Variants in LARGE1 observed in about 807,000 individuals in gnomAD.
LARGE1 encodes the protein LARGE xylosyl- and glucuronyltransferase 1, also known as xylosyl- and glucuronyltransferase LARGE1.
LARGE1 carries 43 observed loss-of-function variants against 87.6 expected under a neutral mutation model. The observed-to-expected ratio is 0.49, with a 90% CI of 0.38 to 0.63. The LOEUF is 0.63. Among genes scored for constraint, LARGE1 ranks in the 30% least tolerant of loss-of-function variants. The pLI is 0.00. For missense variants in LARGE1, 802 were observed against 1,000.2 expected (o/e 0.80, Z 2.67); for synonymous variants, 434 against 394.6 (o/e 1.10, Z -1.18).
At chr22:33,396,169 G>A (rs2065731985) in intron 7 of LARGE1, among the ~76,000 whole-genome samples, 1 of 152,234 alleles carries the variant, frequency 6.6e-6, no homozygotes, top group African/African-American at 2.4e-5. Context: ...CTCAGCAGGA[G>A]GCTCTGGGGA....
chr22:33,173,237 G>T (rs1922676736), intron 11 of LARGE1, among the ~76,000 whole-genome samples: 1 of 152,146 alleles, frequency 6.6e-6, no homozygotes, highest in South Asian at 2.1e-4. Flanking sequence ...TTTCAACCCA[G>T]AATTTCATAT....
At chr22:33,416,962 A>G (rs1330980058) in intron 7 of LARGE1, among the ~76,000 whole-genome samples, 7 of 133,458 alleles carry the variant, frequency 5.2e-5, no homozygotes, top group Admixed American at 4.2e-4. Context: ...GCTGGAGTGC[A>G]GTGGTGTGAT....
At chr22:33,459,432 G>A (rs138973811) in intron 6 of LARGE1, among the ~76,000 whole-genome samples, 1 of 144,722 alleles carries the variant, frequency 6.9e-6, no homozygotes, top group Non-Finnish European at 1.5e-5. Flanking sequence ...AAGCTCGCTC[G>A]CTCTCTCTCT....
At chr22:33,130,279 A>C in the LARGE1 span, among the ~76,000 whole-genome samples, 41 of 139,398 alleles carry the variant, frequency 2.9e-4, no homozygotes, top group African/African-American at 9.8e-4. Context: ...GCGCCACTGC[A>C]CTCCAGCCTG....
intron 1 of LARGE1, among the ~76,000 whole-genome samples, chr22:33,820,710 G>A (rs1601696786): frequency 6.6e-6 from 1 of 152,158 alleles, no homozygotes; most frequent in East Asian, 1.9e-4. Context: ...ATATTGCCAG[G>A]CCCTATACTT....
At chr22:33,381,768 C>T (rs775093892) in intron 9 of LARGE1, 151 bp downstream of exon 9, 234 of 1,096,602 alleles carry the variant, frequency 2.1e-4, no homozygotes, top group Middle Eastern at 1.5e-3. Context: ...AACCAACACC[C>T]CACAAAGATG....
intron 6 of LARGE1, among the ~76,000 whole-genome samples, chr22:33,545,245 C>T (rs2077323977): frequency 6.7e-6 from 1 of 150,130 alleles, no homozygotes; most frequent in South Asian, 2.1e-4. Context: ...CTGACCAGAA[C>T]ACCTATGTCT....
the LARGE1 span, among the ~76,000 whole-genome samples, chr22:33,100,451 A>T: frequency 2.6e-5 from 4 of 152,134 alleles, no homozygotes; most frequent in Non-Finnish European, 5.9e-5. Flanking sequence ...TACTGGTCAC[A>T]TGTGGCCCAA....
intron 2 of LARGE1, among the ~76,000 whole-genome samples, chr22:33,712,356 A>G (rs946538675): frequency 2.6e-5 from 4 of 152,192 alleles, no homozygotes; most frequent in Non-Finnish European, 4.4e-5. Flanking sequence ...GCATCTAAAC[A>G]GCCTTCAGGC....
the LARGE1 span, among the ~76,000 whole-genome samples, chr22:33,072,171 G>A: frequency 6.6e-6 from 1 of 152,130 alleles, no homozygotes; most frequent in African/African-American, 2.4e-5. Flanking sequence ...CTCGAGATCT[G>A]CTCAAAAATG....
In LARGE1 at chr22:33,432,294, T is replaced by C. The variant is rs147579402; in HGVS notation, c.788-29A>G. Reference sequence around the variant, plus strand: ...TGAGGTACAGAGAATACAAACATCTTAAAAGGAGAAGCCAAGCCATCTGGA... The same window carrying C: ...TGAGGTACAGAGAATACAAACATCTCAAAAGGAGAAGCCAAGCCATCTGGA... On this transcript the variant is annotated intron_variant, in intron 6 of 14. Transcript: ENST00000397394. The C allele has an allele frequency of 6.8e-3, 10,614 of 1,565,854 alleles. 48 individuals are homozygous for C. Among genetic ancestry groups the C allele is most frequent in the Non-Finnish European group, 7.8e-3 (8,894 of 1,136,300 alleles).
chr22:33,778,826 T>C (rs979897339), intron 1 of LARGE1, among the ~76,000 whole-genome samples: 2 of 152,152 alleles, frequency 1.3e-5, no homozygotes, highest in Non-Finnish European at 2.9e-5. Flanking sequence ...GATTTTTGTA[T>C]TTTTAGTAGA....
At chr22:33,837,460 T>C (rs1364325150) in intron 1 of LARGE1, among the ~76,000 whole-genome samples, 1 of 152,096 alleles carries the variant, frequency 6.6e-6, no homozygotes, top group Admixed American at 6.5e-5. Context: ...TGCCCTAACA[T>C]CTTCAAGAAA....
At chr22:33,905,537 A>C (rs1242462418) in intron 1 of LARGE1, among the ~76,000 whole-genome samples, 1 of 152,246 alleles carries the variant, frequency 6.6e-6, no homozygotes, top group African/African-American at 2.4e-5. Flanking sequence ...GGAATCTAGC[A>C]ATCTGATAGC....
chr22:33,096,025 G>A, the LARGE1 span, among the ~76,000 whole-genome samples: 4 of 152,062 alleles, frequency 2.6e-5, no homozygotes, highest in Admixed American at 6.5e-5. Context: ...TACTTCCTGC[G>A]TCTAGGCATA....
At chr22:33,846,208 G>A (rs1244753351) in intron 1 of LARGE1, among the ~76,000 whole-genome samples, 1 of 152,210 alleles carries the variant, frequency 6.6e-6, no homozygotes, top group African/African-American at 2.4e-5. Context: ...AGCCATGGCA[G>A]AAGAATGTGG....
chr22:33,197,833 T>G, intron 11 of LARGE1, among the ~76,000 whole-genome samples: 1 of 152,092 alleles, frequency 6.6e-6, no homozygotes, highest in African/African-American at 2.4e-5. Flanking sequence ...GCAAAGCAAT[T>G]AAAAAATAAG....
chr22:33,645,516 T>C (rs9621736), intron 3 of LARGE1, among the ~76,000 whole-genome samples: 13,666 of 152,124 alleles, frequency 0.09, 1,963 homozygotes, highest in African/African-American at 0.31. Flanking sequence ...GCAATACCAT[T>C]CAGGATATAG....
intron 11 of LARGE1, among the ~76,000 whole-genome samples, chr22:33,306,570 A>C (rs937503931): frequency 1.3e-5 from 2 of 151,998 alleles, no homozygotes; most frequent in African/African-American, 2.4e-5. Flanking sequence ...CTCAGCCAAG[A>C]GTTTAGGGTA....
Sources: gnomAD v4.1 joint callset for allele counts (sites outside exome capture counted in the v4.1 genomes callset) on GRCh38, gnomAD v4.1.1 for gene constraint, MANE v1.5 for transcripts, NCBI Gene and HGNC (gene_info 2026-07-23, HGNC 2026-07-21) for gene names.